The following SYN2 variants were observed in gnomAD, a reference collection of about 807,000 sequenced individuals.
SYN2 encodes the protein synapsin-2.
In SYN2, 19 loss-of-function variants were observed where a neutral mutation model predicts 50.9. The ratio of observed to expected loss-of-function variants is 0.37; its 90% CI spans 0.26 to 0.55. The LOEUF (loss-of-function observed/expected upper bound fraction) is 0.55, where lower values mean the gene tolerates loss of function less well. SYN2 is among the 20% of genes least tolerant of loss of function. SYN2 has a pLI of 0.81. For synonymous variants in SYN2, 255 were observed against 224.9 expected, an observed-to-expected ratio of 1.13 and a Z score of -1.20; for missense variants, 587 against 576.4, an observed-to-expected ratio of 1.02 and a Z score of -0.19.
At chr3:12,136,550 T>C (rs1313413961) in intron 1 of SYN2, among the ~76,000 whole-genome samples, 1 of 152,094 alleles carries the variant, frequency 6.6e-6, no homozygotes, top group African/African-American at 2.4e-5. Flanking sequence ...GTATTTAAGC[T>C]AGGCTTGCCT....
intron 1 of SYN2, among the ~76,000 whole-genome samples, chr3:12,048,750 G>T (rs1361029730): frequency 6.6e-6 from 1 of 152,128 alleles, no homozygotes; most frequent in East Asian, 1.9e-4. Context: ...CACTTAAAAA[G>T]TATGTGAATT....
chr3:12,084,275 T>G (rs761305043), intron 1 of SYN2, among the ~76,000 whole-genome samples: 1 of 152,152 alleles, frequency 6.6e-6, no homozygotes, highest in Non-Finnish European at 1.5e-5. Context: ...ATAGAGAGTT[T>G]TATTCTCTTT....
chr3:12,108,259 T>G (rs1696241014), intron 1 of SYN2, among the ~76,000 whole-genome samples: 1 of 151,924 alleles, frequency 6.6e-6, no homozygotes, highest in African/African-American at 2.4e-5. Flanking sequence ...CATCAGAGTG[T>G]TTTTATTAGA....
intron 1 of SYN2, among the ~76,000 whole-genome samples, chr3:12,127,707 C>T (rs1215758700): frequency 6.6e-6 from 1 of 152,216 alleles, no homozygotes; most frequent in African/African-American, 2.4e-5. Flanking sequence ...GAGGATGTTT[C>T]TGCTGCGCCA....
chr3:12,022,602 G>C (rs188453471), intron 1 of SYN2, among the ~76,000 whole-genome samples: 26 of 152,006 alleles, frequency 1.7e-4, no homozygotes, highest in Admixed American at 1.2e-3. Flanking sequence ...TAGAGACAGG[G>C]TTTCACCATA....
intron 1 of SYN2, among the ~76,000 whole-genome samples, chr3:12,112,131 AGGCTTATCAGAAGT>A (rs1304520389): frequency 6.6e-6 from 1 of 152,016 alleles, no homozygotes; most frequent in Non-Finnish European, 1.5e-5. Context: ...ACCTAAGGAG[AGGCTTATCAGAAGT>A]GCTCTGAGTC....
chr3:12,024,090 G>T (rs561201475), intron 1 of SYN2, among the ~76,000 whole-genome samples: 14 of 150,232 alleles, frequency 9.3e-5, no homozygotes, highest in African/African-American at 3.2e-4. Flanking sequence ...TATGACCCAA[G>T]ATGAGATATG....
chr3:12,070,289 C>G, intron 1 of SYN2: 1 of 489,550 alleles, frequency 2.0e-6, no homozygotes, highest in Non-Finnish European at 4.1e-6. Flanking sequence ...GCTGGATTTG[C>G]TGGGGACGAC....
chr3:12,158,788 A>T, intron 5 of SYN2: 2 of 1,602,882 alleles, frequency 1.2e-6, no homozygotes, highest in Non-Finnish European at 1.7e-6. Context: ...CAGCAACGCC[A>T]GCAGCCGCAG....
At chr3:12,138,870 T>C (rs1302212729) in intron 1 of SYN2, among the ~76,000 whole-genome samples, 4 of 152,216 alleles carry the variant, frequency 2.6e-5, no homozygotes, top group Non-Finnish European at 4.4e-5. Context: ...TCCAGTTCCT[T>C]CTTTTTATAG....
chr3:12,129,390 G>GA (rs1696741301), intron 1 of SYN2, among the ~76,000 whole-genome samples: 1 of 152,184 alleles, frequency 6.6e-6, no homozygotes, highest in African/African-American at 2.4e-5. Flanking sequence ...TATAGATGAA[G>GA]AAACAAGGAA....
intron 1 of SYN2, among the ~76,000 whole-genome samples, chr3:12,046,615 T>C (rs1042400517): frequency 6.6e-6 from 1 of 152,072 alleles, no homozygotes; most frequent in African/African-American, 2.4e-5. Flanking sequence ...GGAGACTGGA[T>C]TGGAGGAAGG....
chr3:12,040,797 T>G (rs1694594890), intron 1 of SYN2, among the ~76,000 whole-genome samples: 1 of 152,130 alleles, frequency 6.6e-6, no homozygotes, highest in African/African-American at 2.4e-5. Flanking sequence ...TAAGTCTCAG[T>G]GAGGAACTAA....
rs1057118170 is a variant in SYN2, at chr3:12,141,926, C to T, written c.457C>T (p.Leu153=). 2 of 780,830 alleles carry T rather than the reference C, an allele frequency of 2.6e-6. No individual in the cohort carries two copies. Among genetic ancestry groups the T allele is most frequent in the African/African-American group, 3.4e-5 (2 of 59,242 alleles). The allele number at this position is 780,830 out of a possible 1,614,324, so 48.4% of individuals were successfully genotyped here. Residue 153 remains leucine (L), a synonymous_variant, in exon 3 of 13, where the codon CTG becomes TTG. Coordinates refer to ENST00000621198, the MANE Select transcript of SYN2 (RefSeq NM_133625.6). ...CCAGGCAGAATTTTCAGAGCTCAAC[C>T]TGGTGGCCCATGCAGATGGCACCTA... The part of the protein sequence containing the change: ...VEQAEFSELN[L]VAHADGTYAV...
chr3:12,183,643 T>A, intron 11 of SYN2: 1 of 1,407,138 alleles, frequency 7.1e-7, no homozygotes, highest in Non-Finnish European at 9.2e-7. Context: ...TGCTCACTTA[T>A]GTTTTCTCTG....
At chr3:12,043,274 A>G (rs1340107707) in intron 1 of SYN2, among the ~76,000 whole-genome samples, 1 of 152,118 alleles carries the variant, frequency 6.6e-6, no homozygotes, top group East Asian at 1.9e-4. Context: ...TCCTCCTGGA[A>G]AACAAACCTC....
intron 1 of SYN2, among the ~76,000 whole-genome samples, chr3:12,105,677 T>G (rs1000659398): frequency 2.6e-5 from 4 of 151,916 alleles, no homozygotes; most frequent in African/African-American, 7.2e-5. Flanking sequence ...CACTTGAAGA[T>G]TTTTCTCTCT....
intron 5 of SYN2, chr3:12,158,790 C>G (rs1431851111): frequency 1.6e-5 from 25 of 1,603,212 alleles, no homozygotes; most frequent in Non-Finnish European, 2.0e-5. Flanking sequence ...GCAACGCCAG[C>G]AGCCGCAGCA....
intron 1 of SYN2, among the ~76,000 whole-genome samples, chr3:12,060,236 T>C (rs1351874273): frequency 1.3e-5 from 2 of 152,146 alleles, no homozygotes; most frequent in African/African-American, 4.8e-5. Context: ...AGATTTTACT[T>C]TTAGGAACCC....
Sources: gnomAD v4.1 joint callset for allele counts (sites outside exome capture counted in the v4.1 genomes callset) on GRCh38, gnomAD v4.1.1 for gene constraint, MANE v1.5 for transcripts, NCBI Gene and HGNC (gene_info 2026-07-23, HGNC 2026-07-21) for gene names.